Variants in FOXP1 observed in about 807,000 individuals in gnomAD.
The protein encoded by FOXP1 is forkhead box P1.
A neutral mutation model predicts 98.2 loss-of-function variants in FOXP1; 15 were observed. The observed-to-expected ratio is 0.15, with a 90% CI of 0.10 to 0.24. The LOEUF (loss-of-function observed/expected upper bound fraction) is 0.24. Among genes scored for constraint, FOXP1 ranks in the 10% least tolerant of loss-of-function variants. The pLI, the probability that FOXP1 is intolerant of heterozygous loss-of-function variation, is 1.00. For missense variants in FOXP1, 633 were observed against 848.5 expected, an observed-to-expected ratio of 0.75 and a Z score of 3.15; for synonymous variants, 371 against 314.5, an observed-to-expected ratio of 1.18 and a Z score of -1.90.
intron 5 of FOXP1, among the ~76,000 whole-genome samples, chr3:71,214,551 T>C (rs990885036): frequency 6.6e-6 from 1 of 152,156 alleles, no homozygotes; most frequent in Non-Finnish European, 1.5e-5. Flanking sequence ...GGCATGCCCA[T>C]GGTAGCTGTG....
chr3:71,338,939 C>G (rs543926550), intron 4 of FOXP1, among the ~76,000 whole-genome samples: 1 of 152,228 alleles, frequency 6.6e-6, no homozygotes, highest in African/African-American at 2.4e-5. Context: ...AGATGCCTAT[C>G]TAGCAAAGAA....
chr3:71,130,471 A>C (rs2059498867), intron 6 of FOXP1: 2 of 1,596,474 alleles, frequency 1.3e-6, no homozygotes, highest in African/African-American at 1.3e-5. Context: ...CCAGCAAAAA[A>C]ATGTTTCTTT....
At chr3:71,583,333 C>A (rs1178684484) in intron 1 of FOXP1, among the ~76,000 whole-genome samples, 1 of 152,038 alleles carries the variant, frequency 6.6e-6, no homozygotes, top group Non-Finnish European at 1.5e-5. Flanking sequence ...GCAGCCCCCA[C>A]CCATCCCAGA....
intron 10 of FOXP1, among the ~76,000 whole-genome samples, chr3:71,042,087 T>C (rs999313435): frequency 6.6e-6 from 1 of 152,222 alleles, no homozygotes; most frequent in Admixed American, 6.5e-5. Context: ...ATACTATGAT[T>C]ATTTCATTAA....
At chr3:71,252,071 G>C (rs1292012730) in intron 5 of FOXP1, among the ~76,000 whole-genome samples, 2 of 151,568 alleles carry the variant, frequency 1.3e-5, no homozygotes. Flanking sequence ...TGACTGAAAA[G>C]ATATAAGGGG....
At chr3:71,119,942 C>A (rs1487375406) in intron 6 of FOXP1, among the ~76,000 whole-genome samples, 1 of 152,092 alleles carries the variant, frequency 6.6e-6, no homozygotes, top group Non-Finnish European at 1.5e-5. Context: ...TGTAACAAGA[C>A]AATGGAAAAG....
chr3:71,100,577 T>C (rs2056865034), intron 7 of FOXP1, among the ~76,000 whole-genome samples: 1 of 152,214 alleles, frequency 6.6e-6, no homozygotes, highest in African/African-American at 2.4e-5. Flanking sequence ...TCACATCATG[T>C]GGTTTTTAGT....
intron 5 of FOXP1, among the ~76,000 whole-genome samples, chr3:71,291,619 T>A (rs957575889): frequency 6.6e-6 from 1 of 152,224 alleles, no homozygotes; most frequent in African/African-American, 2.4e-5. Context: ...AGTACTCATA[T>A]GTTTCAGAAG....
chr3:71,238,606 C>T (rs1005616407), intron 5 of FOXP1, among the ~76,000 whole-genome samples: 4 of 152,226 alleles, frequency 2.6e-5, no homozygotes, highest in African/African-American at 9.6e-5. Flanking sequence ...ATTAGAATAA[C>T]AGCACCTATC....
intron 2 of FOXP1, among the ~76,000 whole-genome samples, chr3:71,559,811 C>T (rs2046401974): frequency 6.6e-6 from 1 of 151,792 alleles, no homozygotes; most frequent in Non-Finnish European, 1.5e-5. Context: ...TGCATCACTG[C>T]ATTCCAGCCT....
rs527374139 is a variant in FOXP1 at position 71,207,679 on chromosome 3, G to A, written c.-11-9287C>T. Reference sequence around the variant, plus strand: ...CTTTGTAATTTACAGCAAATGCTAGGAGAGCATACCTCATATTGAAACACA... The same window carrying A: ...CTTTGTAATTTACAGCAAATGCTAGAAGAGCATACCTCATATTGAAACACA... On this transcript the variant is annotated intron_variant, in intron 5 of 20. Coordinates refer to ENST00000649528, the MANE Select transcript of FOXP1 (RefSeq NM_001349338.3). Among the ~76,000 whole-genome samples the A allele has an allele frequency of 3.3e-5, 5 of 152,160 alleles. No homozygotes were observed. In the South Asian group the frequency reaches 1.0e-3, roughly 32 times the overall value.
Position 71,299,801 on chromosome 3 carries a change from T to C in FOXP1, c.-12+19A>G, listed in dbSNP as rs1021623413. ...GACACAGCCCTGGATATAACTTCACTAATCACATTTGCATTTACCTTTTTT... is the reference window on the plus strand; with the variant it reads ...GACACAGCCCTGGATATAACTTCACCAATCACATTTGCATTTACCTTTTTT... On this transcript the variant is annotated intron_variant, in intron 5 of 20. Coordinates refer to ENST00000649528, the MANE Select transcript of FOXP1 (RefSeq NM_001349338.3). The C allele has an allele frequency of 1.3e-5, 2 of 152,690 alleles. No homozygotes were observed. Among genetic ancestry groups the C allele is most frequent in the Non-Finnish European group, 1.5e-5 (1 of 68,054 alleles). The allele number at this position is 152,690 out of a possible 1,614,324, so 9.5% of individuals were successfully genotyped here. A position where few individuals can be genotyped will look rare whatever the true frequency, so the allele number is the denominator to read the frequency against.
intron 11 of FOXP1, among the ~76,000 whole-genome samples, chr3:71,036,227 G>A (rs768444791): frequency 6.6e-6 from 1 of 152,210 alleles, no homozygotes. Flanking sequence ...GAAAATGCAA[G>A]CGACAGTAAT....
intron 4 of FOXP1, among the ~76,000 whole-genome samples, chr3:71,311,425 C>T (rs948178868): frequency 4.6e-5 from 7 of 152,168 alleles, no homozygotes; most frequent in South Asian, 4.1e-4. Flanking sequence ...GCAGTGGCTA[C>T]GCAGGGTAGG....
intron 5 of FOXP1, among the ~76,000 whole-genome samples, chr3:71,273,462 C>T (rs1401578539): frequency 6.6e-6 from 1 of 152,212 alleles, no homozygotes; most frequent in Non-Finnish European, 1.5e-5. Flanking sequence ...CTCTAATCCC[C>T]TTGCCTTGGC....
intron 2 of FOXP1, among the ~76,000 whole-genome samples, chr3:71,542,719 C>G (rs1427761771): frequency 6.6e-6 from 1 of 152,136 alleles, no homozygotes; most frequent in Non-Finnish European, 1.5e-5. Context: ...GCAGGCTGGG[C>G]CAAAGGAACT....
chr3:71,124,141 T>A (rs115477645), intron 6 of FOXP1, among the ~76,000 whole-genome samples: 45,324 of 114,582 alleles, frequency 0.4, 6,964 homozygotes, highest in Middle Eastern at 0.52. Context: ...TTATATTTTT[T>A]TAAAAAAAAA....
chr3:71,476,993 G>A (rs2089904288), intron 3 of FOXP1, among the ~76,000 whole-genome samples: 2 of 152,132 alleles, frequency 1.3e-5, no homozygotes, highest in Non-Finnish European at 2.9e-5. Context: ...TCTCCCTCTT[G>A]CTCTTGTTAA....
chr3:71,189,609 GCCC>G lies in FOXP1; in HGVS notation c.180+8590_180+8592del, dbSNP rs565715483. 5.3e-5 allele frequency among the ~76,000 whole-genome samples: 8 copies of G among 152,176 alleles called. No homozygotes were observed. In the South Asian group the frequency reaches 1.7e-3, roughly 32 times the overall value. ...GCCTCTCTCTTTCTGTTTCATTGGT[GCCC>G]CCATTTTGCCAGTCATTAAGATGGA... On this transcript the variant is annotated intron_variant, in intron 6 of 20. Coordinates refer to ENST00000649528, the MANE Select transcript of FOXP1 (RefSeq NM_001349338.3).
Sources: allele counts gnomAD v4.1 joint callset (sites outside exome capture counted in the v4.1 genomes callset), GRCh38; gene constraint gnomAD v4.1.1; transcripts MANE v1.5; gene names NCBI Gene and HGNC (gene_info 2026-07-23, HGNC 2026-07-21).